PEBP4: variants seen among roughly 807,000 people sequenced by gnomAD.
The protein encoded by PEBP4 is phosphatidylethanolamine binding protein 4.
Under a neutral mutation model 23.9 loss-of-function variants are expected in PEBP4, and 22 were observed. That is an observed-to-expected ratio of 0.92 (90% CI 0.66 to 1.31). The LOEUF is 1.31. Among genes scored for constraint, PEBP4 ranks in the 40% most tolerant of loss-of-function variants. PEBP4 has a pLI of 0.00. For synonymous variants in PEBP4, 112 were observed against 99.3 expected, an observed-to-expected ratio of 1.13 and a Z score of -0.76; for missense variants, 324 against 281.7, an observed-to-expected ratio of 1.15 and a Z score of -1.07.
At chr8:22,750,006 G>T (rs765417838) in intron 4 of PEBP4, among the ~76,000 whole-genome samples, 1 of 151,496 alleles carries the variant, frequency 6.6e-6, no homozygotes, top group Non-Finnish European at 1.5e-5. Flanking sequence ...GGGTTTCTCC[G>T]TGTTGGTCAG....
chr8:22,833,845 G>A (rs1312852503), intron 3 of PEBP4, among the ~76,000 whole-genome samples: 5 of 152,322 alleles, frequency 3.3e-5, no homozygotes, highest in Admixed American at 2.0e-4. Context: ...CTGGAGTGGG[G>A]CCCAGGTGTT....
At chr8:22,928,038 G>A (rs1234617640), upstream of PEBP4, 3 of 299,692 alleles carry the variant, frequency 1.0e-5, no homozygotes, top group African/African-American at 2.3e-5. Flanking sequence ...AAGTAGAAGT[G>A]CTTATATAAG....
intron 3 of PEBP4, among the ~76,000 whole-genome samples, chr8:22,823,961 T>C (rs1806913631): frequency 6.6e-6 from 1 of 151,978 alleles, no homozygotes; most frequent in Non-Finnish European, 1.5e-5. Flanking sequence ...TTAACAAAAG[T>C]TTTCATGTTT....
At position 22,810,901 on chromosome 8, in the gene PEBP4, A is replaced by C. The variant is rs190385066; in HGVS notation, c.357+6736T>G. Among the ~76,000 whole-genome samples, 924 of 151,678 alleles carry C rather than the reference A, an allele frequency of 6.1e-3. 9 individuals carry two copies. Among genetic ancestry groups the C allele is most frequent in the African/African-American group, 0.021 (855 of 41,280 alleles). On this transcript the variant is annotated intron_variant, in intron 4 of 6. Coordinates refer to ENST00000256404, the MANE Select transcript of PEBP4 (RefSeq NM_144962.3). ...CTGAGAGAGAGAGAGAGAGAGAGAG[A>C]GAGAGAGAGAGAGAAACCTCCTAGA...
rs1318831599 is a variant in PEBP4, at chr8:22,772,477, T to TTCTC, written c.357+45156_357+45159dup. Among the ~76,000 whole-genome samples the TTCTC allele has an allele frequency of 1.4e-3, 206 of 145,212 alleles. 5 individuals are homozygous for TTCTC. The highest frequency in any genetic ancestry group is 3.6e-3 in the Middle Eastern group (1 of 278). ...ACAACCTTGTGGGGCAGGGCAGGTA[T>TTCTC]TCTCTCTCTCTCTCTCTTTTTTTTT... is the stretch of plus-strand genomic sequence containing the variant. On this transcript the variant is annotated intron_variant, in intron 4 of 6. Transcript: ENST00000256404.
intron 4 of PEBP4, among the ~76,000 whole-genome samples, chr8:22,764,582 G>A (rs1287688132): frequency 6.6e-6 from 1 of 152,128 alleles, no homozygotes; most frequent in Non-Finnish European, 1.5e-5. Flanking sequence ...GTTCGCAGCC[G>A]AGTTCCTAGT....
rs1483223328 is a variant in PEBP4, at chr8:22,775,959, G to A, written c.357+41678C>T. On this transcript the variant is annotated intron_variant, in intron 4 of 6. Coordinates refer to ENST00000256404, the MANE Select transcript of PEBP4 (RefSeq NM_144962.3). This position sits in a 1 kb window ranked among gnomAD's most constrained non-coding sequence, Gnocchi z 4.8. Reference sequence around the variant, plus strand: ...GCCAGGGTGGTCTGGGCTCACCCCTGGAACAATGGGGGTTGCAGATGCACA... The same window carrying A: ...GCCAGGGTGGTCTGGGCTCACCCCTAGAACAATGGGGGTTGCAGATGCACA... Among the ~76,000 whole-genome samples the A allele has an allele frequency of 1.3e-5, 2 of 152,192 alleles. No individual in the cohort carries two copies. Among genetic ancestry groups the A allele is most frequent in the Non-Finnish European group, 2.9e-5 (2 of 68,002 alleles).
intron 3 of PEBP4, among the ~76,000 whole-genome samples, chr8:22,879,651 C>T (rs1354156021): frequency 6.6e-6 from 1 of 152,252 alleles, no homozygotes; most frequent in Non-Finnish European, 1.5e-5. Flanking sequence ...CCACGAGGGT[C>T]GAGGGTCGGG....
At chr8:22,836,200 A>T (rs1383658381) in intron 3 of PEBP4, among the ~76,000 whole-genome samples, 1 of 152,242 alleles carries the variant, frequency 6.6e-6, no homozygotes, top group African/African-American at 2.4e-5. Flanking sequence ...GACTGCATGC[A>T]TATTAAGTGA....
At chr8:22,785,453 C>T (rs560494494) in intron 4 of PEBP4, among the ~76,000 whole-genome samples, 23 of 152,272 alleles carry the variant, frequency 1.5e-4, no homozygotes, top group Middle Eastern at 3.4e-3. Context: ...CTCTCGGAGA[C>T]GCCCTATCTC....
At chr8:22,892,996 A>G (rs1386844178) in intron 3 of PEBP4, among the ~76,000 whole-genome samples, 2 of 152,194 alleles carry the variant, frequency 1.3e-5, no homozygotes, top group East Asian at 1.9e-4. Context: ...CTGTGCGGGG[A>G]GAGAACTGTG....
chr8:22,881,963 C>T (rs912230498), intron 3 of PEBP4, among the ~76,000 whole-genome samples: 1 of 152,180 alleles, frequency 6.6e-6, no homozygotes, highest in South Asian at 2.1e-4. Context: ...GCCTGGCTAC[C>T]TTGTGGGTGT....
chr8:22,744,395 A>C (rs952825459), intron 4 of PEBP4, among the ~76,000 whole-genome samples: 1 of 152,166 alleles, frequency 6.6e-6, no homozygotes, highest in Non-Finnish European at 1.5e-5. Flanking sequence ...GCCACAGGCC[A>C]CCATGACAGG....
At chr8:22,771,571 C>T (rs11135676) in intron 4 of PEBP4, among the ~76,000 whole-genome samples, 73,512 of 152,056 alleles carry the variant, frequency 0.48, 19,220 homozygotes, top group South Asian at 0.58. Context: ...CAACACTAAG[C>T]AATCATTGGA....
At chr8:22,926,318 C>T (rs1007671105) in intron 2 of PEBP4, among the ~76,000 whole-genome samples, 2 of 151,900 alleles carry the variant, frequency 1.3e-5, no homozygotes, top group African/African-American at 4.8e-5. Context: ...AATATACTGA[C>T]ACGAACAAAG....
At chr8:22,809,025 C>T (rs1407068389) in intron 4 of PEBP4, among the ~76,000 whole-genome samples, 1 of 152,134 alleles carries the variant, frequency 6.6e-6, no homozygotes, top group Non-Finnish European at 1.5e-5. Context: ...AGGCCCTGCC[C>T]TACTTCTTGG....
intron 4 of PEBP4, among the ~76,000 whole-genome samples, chr8:22,743,383 G>A (rs1299901923): frequency 2.6e-5 from 4 of 152,244 alleles, no homozygotes; most frequent in Non-Finnish European, 5.9e-5. Context: ...GGGTTGAGGT[G>A]TAATGAATAT....
chr8:22,854,927 TG>T (rs2128767669), intron 3 of PEBP4, among the ~76,000 whole-genome samples: 1 of 25,150 alleles, frequency 4.0e-5, no homozygotes, highest in East Asian at 3.9e-3. Flanking sequence ...GAGATTAGAA[TG>T]TGTGTGTGTG....
rs1807856862 is a variant in PEBP4, at chr8:22,865,021, G to A, written c.259-47286C>T. On this transcript the variant is annotated intron_variant, in intron 3 of 6. Transcript: ENST00000256404. The surrounding 1 kb of genome is among the most constrained non-coding windows in gnomAD (Gnocchi z 6.9). ...CGAGGGGGCAGGTGTGACCGTGAGA[G>A]AGGGAGGCAGGCGGCGAGGCCAAGG... 6.6e-6 allele frequency among the ~76,000 whole-genome samples: 1 copy of A among 152,200 alleles called. No homozygotes were observed. The highest frequency in any genetic ancestry group is 1.5e-5 in the Non-Finnish European group (1 of 68,034).
Sources: gnomAD v4.1 joint callset for allele counts (sites outside exome capture counted in the v4.1 genomes callset) on GRCh38, gnomAD v4.1.1 for gene constraint, Gnocchi (gnomAD v3.1) non-coding constraint, MANE v1.5 for transcripts, NCBI Gene and HGNC (gene_info 2026-07-23, HGNC 2026-07-21) for gene names.